Variants in CD160 observed in about 807,000 individuals in gnomAD.
CD160 encodes CD160 antigen.
Under a neutral mutation model 19.2 loss-of-function variants are expected in CD160, and 11 were observed. The observed-to-expected ratio is 0.57, with a 90% CI of 0.36 to 0.95. The LOEUF (loss-of-function observed/expected upper bound fraction) is 0.95, where lower values mean the gene tolerates loss of function less well. Among genes scored for constraint, CD160 ranks in the 40% least tolerant of loss-of-function variants. The pLI is 0.01. For synonymous variants in CD160, 75 were observed against 81.1 expected (o/e 0.93, Z 0.40); for missense variants, 182 against 213.2 (o/e 0.85, Z 0.91).
intron 5 of CD160, chr1:145,736,420 G>T (rs1657498678): frequency 1.7e-6 from 1 of 593,540 alleles, no homozygotes; most frequent in Non-Finnish European, 2.8e-6. Context: ...TCTACTCACT[G>T]CATGAACAGA....
chr1:145,726,666 A>AAC (rs1320138346), intron 2 of CD160, among the ~76,000 whole-genome samples: 2 of 152,184 alleles, frequency 1.3e-5, no homozygotes, highest in African/African-American at 4.8e-5. Flanking sequence ...ACCAACATGA[A>AAC]ACATGTACAA....
chr1:145,736,479 G>C (rs1013979141), intron 5 of CD160: 8 of 379,844 alleles, frequency 2.1e-5, no homozygotes, highest in Non-Finnish European at 4.0e-5. Context: ...GGAAGAAAAG[G>C]CAAGAGACAG....
chr1:145,737,751 C>CAAAAA (rs35767467), intron 5 of CD160: 7 of 120,820 alleles, frequency 5.8e-5, no homozygotes, highest in South Asian at 5.4e-4. Flanking sequence ...CATCCTAGAG[C>CAAAAA]AAAAAAAAAA....
At chr1:145,731,141 G>A in intron 4 of CD160, 71 bp downstream of exon 4, 1 of 1,208,306 alleles carries the variant, frequency 8.3e-7, no homozygotes, top group Non-Finnish European at 1.2e-6. Flanking sequence ...GATGTAACCA[G>A]ATAGTTCAGG....
At position 145,730,329 on chromosome 1, in the gene CD160, T is replaced by A. The variant is rs587692201; in HGVS notation, c.74-415T>A. On this transcript the variant is annotated intron_variant, in intron 3 of 5. Coordinates refer to ENST00000369288, the MANE Select transcript of CD160 (RefSeq NM_007053.4). ...AGCAAGACCTTGTTTTAAAAAAAAA[T>A]TTTTTAAATTAAAAATCCCCGGTCA... Among the ~76,000 whole-genome samples, 436 of 152,052 alleles carry A rather than the reference T, an allele frequency of 2.9e-3. 3 individuals are homozygous for A. The highest frequency in any genetic ancestry group is 9.5e-3 in the African/African-American group (393 of 41,470).
At chr1:145,733,460 A>G (rs1657372947) in intron 4 of CD160, among the ~76,000 whole-genome samples, 1 of 152,088 alleles carries the variant, frequency 6.6e-6, no homozygotes, top group South Asian at 2.1e-4. Context: ...TTTAAGAAAA[A>G]CAAGTATAAA....
Position 145,728,478 on chromosome 1 carries a change from C to G in CD160, c.73+78C>G. 4 of 743,758 alleles carry G rather than the reference C, an allele frequency of 5.4e-6. No individual in the cohort carries two copies. The Admixed American group carries it at 6.6e-5, about 12-fold the overall frequency. The allele number at this position is 743,758 out of a possible 1,614,324, so 46.1% of individuals were successfully genotyped here. ...GGGAAGGGCTGGATCCCGTGATTTTCTCTAGTGGGGAAACAAAGGACTCTT... is the reference window on the plus strand; with the variant it reads ...GGGAAGGGCTGGATCCCGTGATTTTGTCTAGTGGGGAAACAAAGGACTCTT... On this transcript the variant is annotated intron_variant, in intron 3 of 5. Coordinates refer to ENST00000369288, the MANE Select transcript of CD160 (RefSeq NM_007053.4).
At chr1:145,730,680 C>T in intron 3 of CD160, 64 bp from the exon 4 acceptor site, 1 of 1,315,366 alleles carries the variant, frequency 7.6e-7, no homozygotes, top group Non-Finnish European at 1.1e-6. Context: ...TGATAAGGAG[C>T]AGTTACGGTG....
chr1:145,729,308 A>G (rs1657189017), intron 3 of CD160, among the ~76,000 whole-genome samples: 2 of 152,090 alleles, frequency 1.3e-5, no homozygotes, highest in Admixed American at 1.3e-4. Context: ...AATTTAGTTT[A>G]CTATGTATAC....
chr1:145,727,221 A>G (rs752759877), intron 2 of CD160, among the ~76,000 whole-genome samples: 21 of 152,044 alleles, frequency 1.4e-4, no homozygotes, highest in Non-Finnish European at 2.8e-4. Context: ...CATAATTGCA[A>G]TTTGCCCTTT....
Position 145,738,588 on chromosome 1 carries a change from T to C in CD160, c.*95T>C. The stretch of plus-strand genomic sequence containing the variant: ...TCATTACAATAGGCACAGAGAAGAA[T>C]GCAACAGGGCACAGGGGAAGAGATG... On this transcript the variant is annotated 3_prime_UTR_variant, in exon 6 of 6. Coordinates refer to ENST00000369288, the MANE Select transcript of CD160 (RefSeq NM_007053.4). 1.3e-6 allele frequency: 1 copy of C among 748,796 alleles called. No individual in the cohort carries two copies. Among genetic ancestry groups the C allele is most frequent in the South Asian group, 5.0e-5 (1 of 20,062 alleles). 46.4% of individuals were successfully genotyped at this position (748,796 alleles called of 1,614,324 possible).
chr1:145,725,597 TA>T (rs1553708289), intron 2 of CD160, among the ~76,000 whole-genome samples: 1 of 152,172 alleles, frequency 6.6e-6, no homozygotes, highest in Admixed American at 6.5e-5. Flanking sequence ...AGTTGATATT[TA>T]AAGGCAATTA....
chr1:145,720,086 C>A, intron 1 of CD160, among the ~76,000 whole-genome samples: 1 of 152,182 alleles, frequency 6.6e-6, no homozygotes, highest in Admixed American at 6.5e-5. Context: ...AGACAATGAA[C>A]CACAATAGAA....
At position 145,724,810 on chromosome 1, in the gene CD160, G is replaced by A. The variant is rs1321752122; in HGVS notation, c.-169G>A. 3 of 152,044 alleles carry A rather than the reference G, an allele frequency of 2.0e-5. No individual in the cohort carries two copies. In the East Asian group the frequency reaches 5.8e-4, roughly 29 times the overall value. 9.4% of individuals were successfully genotyped at this position (152,044 alleles called of 1,614,324 possible). On this transcript the variant is annotated 5_prime_UTR_variant, in exon 2 of 6. Transcript: ENST00000369288. Reference sequence around the variant, plus strand: ...GGTTTTCTTGAGACAGGGTCTCACTGTCAACCAGGCCAGAGTGCAGTGAAG... The same window carrying A: ...GGTTTTCTTGAGACAGGGTCTCACTATCAACCAGGCCAGAGTGCAGTGAAG...
chr1:145,728,933 A>G (rs996567303), intron 3 of CD160, among the ~76,000 whole-genome samples: 2 of 152,196 alleles, frequency 1.3e-5, no homozygotes, highest in African/African-American at 4.8e-5. Flanking sequence ...CTTATATACT[A>G]TAAATTTATG....
At position 145,736,433 on chromosome 1, in the gene CD160, G is replaced by A. The variant is rs1167076071; in HGVS notation, c.538+299G>A. The A allele has an allele frequency of 9.5e-6, 5 of 524,432 alleles. No individual in the cohort carries two copies. In the Admixed American group the frequency reaches 1.1e-4, roughly 11 times the overall value. 32.5% of individuals were successfully genotyped at this position (524,432 alleles called of 1,614,324 possible). ...CCTCTACTCACTGCATGAACAGAGG[G>A]CTACAAGTTGAAGCAACAGATTTTC... On this transcript the variant is annotated intron_variant, in intron 5 of 5. Transcript: ENST00000369288.
chr1:145,725,131 C>T (rs1166374280), intron 2 of CD160, among the ~76,000 whole-genome samples: 1 of 151,544 alleles, frequency 6.6e-6, no homozygotes, highest in African/African-American at 2.4e-5. Context: ...AAAAGAATAA[C>T]ATACTAGGCC....
intron 4 of CD160, 66 bp downstream of exon 4, chr1:145,731,136 A>T: frequency 7.8e-7 from 1 of 1,281,502 alleles, no homozygotes; most frequent in Non-Finnish European, 1.1e-6. Context: ...GTGGAGATGT[A>T]ACCAGATAGT....
rs587665163 is a variant in CD160, at chr1:145,728,244, C to G, written c.-72-12C>G. ...GGAAGGCTTTGTCTAGTGGGTCCCC[C>G]TGTGCTTTTAGGAGACTGAAGCCAA... On this transcript the variant is annotated splice_polypyrimidine_tract_variant and intron_variant, in intron 2 of 5. Coordinates refer to ENST00000369288, the MANE Select transcript of CD160 (RefSeq NM_007053.4). The G allele has an allele frequency of 1.8e-4, 174 of 970,354 alleles. No homozygotes were observed. In the East Asian group the frequency reaches 4.0e-3, roughly 22 times the overall value. The allele number at this position is 970,354 out of a possible 1,614,324, so 60.1% of individuals were successfully genotyped here.
Sources: allele counts gnomAD v4.1 joint callset (sites outside exome capture counted in the v4.1 genomes callset), GRCh38; gene constraint gnomAD v4.1.1; transcripts MANE v1.5; gene names NCBI Gene and HGNC (gene_info 2026-07-23, HGNC 2026-07-21).